The following HMBOX1 variants were observed in gnomAD, a reference collection of about 807,000 sequenced individuals.
HMBOX1 encodes the protein homeobox-containing protein 1.
A neutral mutation model predicts 54.5 loss-of-function variants in HMBOX1; 14 were observed. That is an observed-to-expected ratio of 0.26 (90% CI 0.17 to 0.40). The LOEUF is 0.40. Among genes scored for constraint, HMBOX1 ranks in the 10% least tolerant of loss-of-function variants. The pLI is 1.00. For missense variants in HMBOX1, 332 were observed against 514.4 expected, an observed-to-expected ratio of 0.65 and a Z score of 3.43; for synonymous variants, 160 against 181.0, an observed-to-expected ratio of 0.88 and a Z score of 0.93.
chr8:28,924,856 C>CCCG (rs983928829), intron 1 of HMBOX1: 11 of 151,690 alleles, frequency 7.3e-5, no homozygotes, highest in African/African-American at 2.7e-4. Flanking sequence ...AGGTGATCCA[C>CCCG]CCGCCTCGGC....
intron 6 of HMBOX1, among the ~76,000 whole-genome samples, chr8:29,037,103 T>C (rs532670585): frequency 6.6e-6 from 1 of 152,320 alleles, no homozygotes; most frequent in South Asian, 2.1e-4. Flanking sequence ...TGCAAAGTCA[T>C]GAAAACTTAC....
In HMBOX1 at chr8:29,051,615, A is replaced by G. The variant is rs1394380251; in HGVS notation, c.*460A>G. On this transcript the variant is annotated 3_prime_UTR_variant, in exon 10 of 10. Coordinates refer to ENST00000287701, the MANE Select transcript of HMBOX1 (RefSeq NM_001135726.3). ...GACAGACACCATTTGGGGAGTATCCACAGAGTCAAAGGAACACTAGAATCC... is the reference window on the plus strand; with the variant it reads ...GACAGACACCATTTGGGGAGTATCCGCAGAGTCAAAGGAACACTAGAATCC... The G allele has an allele frequency of 4.3e-6, 3 of 702,860 alleles. No homozygotes were observed. Among genetic ancestry groups the G allele is most frequent in the Middle Eastern group, 2.3e-4 (1 of 4,392 alleles). 43.5% of individuals were successfully genotyped at this position (702,860 alleles called of 1,614,324 possible).
At chr8:28,912,935 T>C (rs956880069) in intron 1 of HMBOX1, among the ~76,000 whole-genome samples, 2 of 152,228 alleles carry the variant, frequency 1.3e-5, no homozygotes, top group African/African-American at 2.4e-5. Flanking sequence ...GTATTGCTTA[T>C]TGTAGGAAAT....
chr8:28,990,655 G>GT (rs913627689), intron 4 of HMBOX1, among the ~76,000 whole-genome samples: 45 of 151,812 alleles, frequency 3.0e-4, no homozygotes, highest in African/African-American at 1.0e-3. Context: ...TTGTTTGTTT[G>GT]TTTTTTTGTT....
At chr8:29,010,250 T>G in intron 5 of HMBOX1, 4 of 571,964 alleles carry the variant, frequency 7.0e-6, no homozygotes, top group Non-Finnish European at 8.8e-6. Context: ...TGTTTACTCT[T>G]TCTTAGATAT....
intron 1 of HMBOX1, among the ~76,000 whole-genome samples, chr8:28,950,095 T>G (rs1823140477): frequency 6.6e-6 from 1 of 152,264 alleles, no homozygotes; most frequent in Non-Finnish European, 1.5e-5. Flanking sequence ...TTTCATCAAG[T>G]ATTCAGCTCG....
chr8:28,944,323 A>G (rs1822013133), intron 1 of HMBOX1, among the ~76,000 whole-genome samples: 1 of 152,238 alleles, frequency 6.6e-6, no homozygotes, highest in Non-Finnish European at 1.5e-5. Flanking sequence ...CTAGGAACAG[A>G]AAATACAGAC....
At chr8:29,009,556 T>A in intron 5 of HMBOX1, 1 of 889,204 alleles carries the variant, frequency 1.1e-6, no homozygotes, top group Non-Finnish European at 1.4e-6. Context: ...CAAATCTTGT[T>A]TGAATTAGTA....
In HMBOX1 at chr8:28,973,338, C is replaced by T. The variant is rs548433037; in HGVS notation, c.500+2819C>T. Among the ~76,000 whole-genome samples the T allele has an allele frequency of 2.0e-5, 3 of 152,200 alleles. No homozygotes were observed. The East Asian group carries it at 5.8e-4, about 29-fold the overall frequency. The stretch of plus-strand genomic sequence containing the variant: ...ATCAATATGTCACTGGTGTACATTC[C>T]CTCTCCAAATAAATTTTTCATATCT... On this transcript the variant is annotated intron_variant, in intron 3 of 9. Transcript: ENST00000287701.
chr8:28,918,230 C>G (rs918615355), intron 1 of HMBOX1, among the ~76,000 whole-genome samples: 3 of 152,030 alleles, frequency 2.0e-5, no homozygotes, highest in Non-Finnish European at 4.4e-5. Flanking sequence ...TTGAGATGGA[C>G]TCTTGCTCTG....
Position 28,970,393 on chromosome 8 carries a change from T to C in HMBOX1, c.374T>C (p.Leu125Ser). The C allele has an allele frequency of 6.2e-7, 1 of 1,614,154 alleles. No homozygotes were observed. The highest frequency in any genetic ancestry group is 8.5e-7 in the Non-Finnish European group (1 of 1,179,998). ...NQNGRENNER[L>S]STSNGKMSPT... ...AATGGGAGGGAGAATAATGAGCGAT[T>C]ATCTACATCCAATGGAAAGATGTCA... The change falls in exon 3 of 10, where the codon TTA becomes TCA. Residue 125 changes from leucine to serine, a missense_variant. By Grantham distance (145) the Leu-to-Ser change is moderately radical (BLOSUM62 -2). Around this residue, in one of 4 missense-constraint regions of HMBOX1, gnomAD observed 146 missense variants for 173.3 expected, o/e 0.84. Transcript: ENST00000287701. This position sits in a 1 kb window ranked among gnomAD's most constrained non-coding sequence, Gnocchi z 4.3.
At chr8:29,012,270 G>A (rs1304953357) in intron 5 of HMBOX1, among the ~76,000 whole-genome samples, 2 of 152,140 alleles carry the variant, frequency 1.3e-5, no homozygotes, top group Non-Finnish European at 2.9e-5. Flanking sequence ...TATTATGTTT[G>A]GTTAAGATGA....
chr8:28,967,333 G>A (rs1826599832), intron 2 of HMBOX1, among the ~76,000 whole-genome samples: 1 of 152,182 alleles, frequency 6.6e-6, no homozygotes, highest in South Asian at 2.1e-4. Flanking sequence ...AATAAAAGTG[G>A]TTCTAATAGT....
rs116699214 is a variant in HMBOX1, at chr8:29,020,243, G to A, written c.851+1330G>A. Among the ~76,000 whole-genome samples, 1,017 of 152,104 alleles carry A rather than the reference G, an allele frequency of 6.7e-3. 14 individuals are homozygous for A. Among genetic ancestry groups the A allele is most frequent in the African/African-American group, 0.024 (983 of 41,494 alleles). On this transcript the variant is annotated intron_variant, in intron 6 of 9. Transcript: ENST00000287701. ...TGCAACATTGTACATTTTCCTTTAG[G>A]TATTAGTTTCTACCTGGTGCTAAGT...
At chr8:29,041,563 G>C (rs1804825628) in intron 6 of HMBOX1, among the ~76,000 whole-genome samples, 1 of 152,170 alleles carries the variant, frequency 6.6e-6, no homozygotes, top group South Asian at 2.1e-4. Flanking sequence ...CAAGATGAAA[G>C]ATATGTAAGA....
At chr8:28,944,013 A>G (rs549322977) in intron 1 of HMBOX1, among the ~76,000 whole-genome samples, 3 of 152,074 alleles carry the variant, frequency 2.0e-5, no homozygotes, top group African/African-American at 7.2e-5. Flanking sequence ...ATACAGAGAC[A>G]CCTTCTTGGC....
intron 3 of HMBOX1, among the ~76,000 whole-genome samples, chr8:28,972,783 C>G (rs10111019): frequency 0.62 from 94,344 of 151,986 alleles, 29,632 homozygotes; most frequent in East Asian, 0.75. Flanking sequence ...TAACTCATAG[C>G]CTGACATAAT....
intron 6 of HMBOX1, 87 bp from the exon 7 acceptor site, chr8:29,045,274 C>A: frequency 9.8e-7 from 1 of 1,015,724 alleles, no homozygotes; most frequent in Non-Finnish European, 1.6e-6. Flanking sequence ...TGGCATCTTA[C>A]AGAATATATT....
intron 3 of HMBOX1, among the ~76,000 whole-genome samples, chr8:28,975,510 G>T (rs1273101562): frequency 1.3e-5 from 2 of 152,160 alleles, no homozygotes; most frequent in African/African-American, 2.4e-5. Flanking sequence ...AAAAATAATG[G>T]CAATGGAGGG....
Sources: gnomAD v4.1 joint callset for allele counts (sites outside exome capture counted in the v4.1 genomes callset) on GRCh38, gnomAD v4.1.1 for gene constraint, gnomAD v4.1.1 regional missense constraint, Gnocchi (gnomAD v3.1) non-coding constraint, MANE v1.5 for transcripts, NCBI Gene and HGNC (gene_info 2026-07-23, HGNC 2026-07-21) for gene names.